UBE2R2: variants seen among roughly 807,000 people sequenced by gnomAD.
UBE2R2 encodes ubiquitin conjugating enzyme E2 R2, also known as ubiquitin-conjugating enzyme E2 R2.
UBE2R2 carries 1 observed loss-of-function variant against 27.8 expected under a neutral mutation model. That is an observed-to-expected ratio of 0.04 (90% CI 0.01 to 0.17). The LOEUF (loss-of-function observed/expected upper bound fraction) is 0.17. Among genes scored for constraint, UBE2R2 ranks in the 10% least tolerant of loss-of-function variants. UBE2R2 has a pLI of 1.00. For synonymous variants in UBE2R2, 106 were observed against 113.3 expected, an observed-to-expected ratio of 0.94 and a Z score of 0.41; for missense variants, 100 against 291.0, an observed-to-expected ratio of 0.34 and a Z score of 4.78.
chr9:33,903,563 G>C (rs1304991004), intron 3 of UBE2R2, among the ~76,000 whole-genome samples: 3 of 152,052 alleles, frequency 2.0e-5, no homozygotes, highest in Non-Finnish European at 1.5e-5. Flanking sequence ...TACTTCTCTT[G>C]CATTTACACG....
chr9:33,828,398 T>C (rs1820364398), intron 1 of UBE2R2, among the ~76,000 whole-genome samples: 1 of 151,166 alleles, frequency 6.6e-6, no homozygotes, highest in Non-Finnish European at 1.5e-5. Context: ...TTAAAACTTT[T>C]TTTTTTTTTT....
At chr9:33,847,386 C>T (rs963095154) in intron 1 of UBE2R2, among the ~76,000 whole-genome samples, 8 of 152,278 alleles carry the variant, frequency 5.3e-5, no homozygotes, top group Non-Finnish European at 1.0e-4. Context: ...TGTGCCACTG[C>T]GCCCGGCCCT....
At chr9:33,860,821 C>CTTG (rs1821212926) in intron 1 of UBE2R2, among the ~76,000 whole-genome samples, 2 of 152,000 alleles carry the variant, frequency 1.3e-5, no homozygotes, top group African/African-American at 4.8e-5. Flanking sequence ...CTCTTGAGCC[C>CTTG]AGGAGTTTAA....
chr9:33,874,448 C>T (rs900131156), intron 1 of UBE2R2, among the ~76,000 whole-genome samples: 1 of 151,978 alleles, frequency 6.6e-6, no homozygotes, highest in Non-Finnish European at 1.5e-5. Flanking sequence ...ATTCTTCCTC[C>T]GTTGCCCTCT....
chr9:33,872,097 A>AT (rs1302394156), intron 1 of UBE2R2, among the ~76,000 whole-genome samples: 5 of 151,628 alleles, frequency 3.3e-5, no homozygotes, highest in Non-Finnish European at 5.9e-5. Context: ...ATTAAAGACT[A>AT]TTTTTTTAGC....
chr9:33,816,654 G>A (rs1339266498), upstream of UBE2R2, among the ~76,000 whole-genome samples: 1 of 152,170 alleles, frequency 6.6e-6, no homozygotes, highest in Non-Finnish European at 1.5e-5. Flanking sequence ...TGTTCCCACC[G>A]AAAAGACCCA....
At chr9:33,896,880 A>G (rs974024017) in intron 2 of UBE2R2, among the ~76,000 whole-genome samples, 5 of 149,764 alleles carry the variant, frequency 3.3e-5, no homozygotes, top group Admixed American at 2.0e-4. Flanking sequence ...TTGGATGCCT[A>G]TTTTCTAATA....
At chr9:33,876,531 A>G (rs1821605441) in intron 1 of UBE2R2, among the ~76,000 whole-genome samples, 1 of 152,196 alleles carries the variant, frequency 6.6e-6, no homozygotes, top group Non-Finnish European at 1.5e-5. Flanking sequence ...AGTTCTTAGT[A>G]CAATTTAAAT....
chr9:33,869,477 G>A (rs779357163), intron 1 of UBE2R2, among the ~76,000 whole-genome samples: 23 of 146,990 alleles, frequency 1.6e-4, no homozygotes, highest in Non-Finnish European at 2.4e-4. Context: ...ACAGAGTTTC[G>A]CTCTTGTTGC....
intron 1 of UBE2R2, among the ~76,000 whole-genome samples, chr9:33,819,895 C>G (rs1825942705): frequency 6.6e-6 from 1 of 152,228 alleles, no homozygotes; most frequent in South Asian, 2.1e-4. Flanking sequence ...CCTCTGCCTC[C>G]CAAAGTGCTG....
intron 1 of UBE2R2, among the ~76,000 whole-genome samples, chr9:33,855,687 T>C (rs1442491506): frequency 1.3e-5 from 2 of 152,156 alleles, no homozygotes; most frequent in African/African-American, 4.8e-5. Flanking sequence ...AAGGAGACCT[T>C]CTTTTAAAAT....
At chr9:33,837,935 T>C (rs1820649530) in intron 1 of UBE2R2, among the ~76,000 whole-genome samples, 1 of 152,150 alleles carries the variant, frequency 6.6e-6, no homozygotes, top group Admixed American at 6.6e-5. Context: ...TACAGATATA[T>C]AGGTAAATAT....
intron 1 of UBE2R2, among the ~76,000 whole-genome samples, chr9:33,822,582 C>G (rs1455723725): frequency 1.5e-5 from 2 of 137,480 alleles, no homozygotes; most frequent in Admixed American, 7.2e-5. Context: ...GCATACCACA[C>G]TCGTTTTAAT....
intron 1 of UBE2R2, among the ~76,000 whole-genome samples, chr9:33,855,447 T>C (rs1471692436): frequency 1.3e-5 from 2 of 152,232 alleles, no homozygotes; most frequent in Non-Finnish European, 2.9e-5. Context: ...GAGTGATTAA[T>C]TATTTTGGTT....
intron 1 of UBE2R2, among the ~76,000 whole-genome samples, chr9:33,819,250 T>C (rs558625767): frequency 1.1e-4 from 16 of 152,298 alleles, no homozygotes; most frequent in Non-Finnish European, 2.4e-4. Flanking sequence ...GACTACCCAA[T>C]TACTTAACTC....
chr9:33,853,621 C>G (rs1455909087), intron 1 of UBE2R2, among the ~76,000 whole-genome samples: 2 of 151,868 alleles, frequency 1.3e-5, no homozygotes, highest in Non-Finnish European at 2.9e-5. Context: ...ATATTCTTAC[C>G]ATTTTCAAAT....
At chr9:33,905,826 G>A (rs888378455) in intron 3 of UBE2R2, among the ~76,000 whole-genome samples, 2 of 152,116 alleles carry the variant, frequency 1.3e-5, no homozygotes, top group Admixed American at 1.3e-4. Flanking sequence ...TGATAGAGTG[G>A]AAATGAGAGA....
At chr9:33,861,847 CTT>C (rs775634986) in intron 1 of UBE2R2, among the ~76,000 whole-genome samples, 4 of 95,448 alleles carry the variant, frequency 4.2e-5, no homozygotes, top group Non-Finnish European at 6.4e-5. Flanking sequence ...GATCCACTTT[CTT>C]TTTTTTTTTT....
chr9:33,851,217 A>G (rs1193475826), intron 1 of UBE2R2, among the ~76,000 whole-genome samples: 1 of 152,158 alleles, frequency 6.6e-6, no homozygotes, highest in African/African-American at 2.4e-5. Flanking sequence ...TCAAAGAACT[A>G]TTTTCCTGAA....
Sources: allele counts gnomAD v4.1 joint callset (sites outside exome capture counted in the v4.1 genomes callset), GRCh38; gene constraint gnomAD v4.1.1; transcripts MANE v1.5; gene names NCBI Gene and HGNC (gene_info 2026-07-23, HGNC 2026-07-21).